The following TGDS variants were observed in gnomAD, a reference collection of about 807,000 sequenced individuals.
TGDS encodes the protein UDP-D-glucose 4,6-dehydratase.
TGDS carries 47 observed loss-of-function variants against 52.3 expected under a neutral mutation model. The observed-to-expected ratio is 0.90, with a 90% CI of 0.71 to 1.15. The LOEUF is 1.15. Ranked by LOEUF, TGDS falls within the 50% of genes most tolerant of loss-of-function variation. The pLI is 0.00. For synonymous variants in TGDS, 115 were observed against 136.9 expected, an observed-to-expected ratio of 0.84 and a Z score of 1.12; for missense variants, 375 against 418.4, an observed-to-expected ratio of 0.90 and a Z score of 0.90.
At chr13:94,594,675 C>T (rs1032436315) in intron 1 of TGDS, among the ~76,000 whole-genome samples, 9 of 152,136 alleles carry the variant, frequency 5.9e-5, no homozygotes, top group African/African-American at 2.2e-4. Flanking sequence ...TTCCTGGACC[C>T]GCACTCTCAC....
chr13:94,587,089 T>C (rs1329519250), intron 4 of TGDS, among the ~76,000 whole-genome samples: 1 of 151,974 alleles, frequency 6.6e-6, no homozygotes, highest in Admixed American at 6.6e-5. Flanking sequence ...TAAAAGATAA[T>C]GAAAAAATAC....
chr13:94,576,385 AT>A lies in TGDS; in HGVS notation c.910del (p.Met304Ter). On this transcript the variant is annotated frameshift_variant, in exon 11 of 12. Transcript: ENST00000261296. LOFTEE classifies it high-confidence loss of function. ...TAAGCCATGTATTTTTTCTGACTTC[AT>A]TGGGTATCTCATGTCATTGGTGGGT... ...DRPTNDMRYP[M>X]KSEKIHGLGW... The A allele has an allele frequency of 6.2e-6, 10 of 1,601,048 alleles. No individual in the cohort carries two copies. Among genetic ancestry groups the A allele is most frequent in the Non-Finnish European group, 8.5e-6 (10 of 1,173,442 alleles).
chr13:94,580,451 C>A (rs1594442213), intron 6 of TGDS, among the ~76,000 whole-genome samples: 1 of 152,172 alleles, frequency 6.6e-6, no homozygotes, highest in Non-Finnish European at 1.5e-5. Flanking sequence ...CAGTGGGAAG[C>A]CAAATGTAGG....
intron 1 of TGDS, 104 bp downstream of exon 1, chr13:94,595,947 G>A: frequency 7.7e-7 from 1 of 1,290,384 alleles, no homozygotes; most frequent in Non-Finnish European, 1.1e-6. Context: ...ATCAGAATAA[G>A]GACCCCTCAA....
At chr13:94,595,992 G>C (rs974815219) in intron 1 of TGDS, 59 bp downstream of exon 1, 1 of 1,600,530 alleles carries the variant, frequency 6.2e-7, no homozygotes, top group Non-Finnish European at 8.6e-7. Flanking sequence ...AAGCAGAGCT[G>C]CGGGAAAAGG....
chr13:94,574,787 C>T lies in TGDS; in HGVS notation c.1048G>A (p.Val350Ile), dbSNP rs772009375. ...NVEKALEPFP[V>I] ...CTCGACTATATAAATGGTGATTATACCGGAAAGGGTTCTAATGCCTTTTCC... is the reference window on the plus strand; with the variant it reads ...CTCGACTATATAAATGGTGATTATATCGGAAAGGGTTCTAATGCCTTTTCC... Residue 350 changes from valine (V) to isoleucine (I), a missense_variant, in exon 12 of 12, where the codon GTA becomes ATA. Val to Ile is a conservative substitution (Grantham distance 29, BLOSUM62 3). Coordinates refer to ENST00000261296, the MANE Select transcript of TGDS (RefSeq NM_014305.4). The T allele has an allele frequency of 1.2e-5, 19 of 1,597,746 alleles. No individual in the cohort carries two copies. The Admixed American group carries it at 3.2e-4, about 27-fold the overall frequency.
intron 4 of TGDS, among the ~76,000 whole-genome samples, chr13:94,586,064 A>C (rs1241686647): frequency 6.6e-6 from 1 of 152,154 alleles, no homozygotes; most frequent in Non-Finnish European, 1.5e-5. Context: ...TTTAAAATAA[A>C]CAATTTTTTA....
chr13:94,581,121 A>C lies in TGDS; in HGVS notation c.525T>G (p.Cys175Trp). 6.3e-7 allele frequency: 1 copy of C among 1,594,318 alleles called. No homozygotes were observed. The highest frequency in any genetic ancestry group is 8.5e-7 in the Non-Finnish European group (1 of 1,169,668). The change falls in exon 6 of 12, where the codon TGT (cysteine) becomes TGG (tryptophan). Residue 175 changes from cysteine (C) to tryptophan (W), a missense_variant. Coordinates refer to ENST00000261296, the MANE Select transcript of TGDS (RefSeq NM_014305.4). The stretch of plus-strand genomic sequence containing the variant: ...ATTGTTCCCAGTAAGACTGTACAAA[A>C]CATTCAGCAGCTGCTTTAGATGATG... The part of the protein sequence containing the change: ...PYASSKAAAE[C>W]FVQSYWEQYK...
At chr13:94,587,731 C>T (rs1410217536) in intron 4 of TGDS, among the ~76,000 whole-genome samples, 1 of 152,194 alleles carries the variant, frequency 6.6e-6, no homozygotes, top group African/African-American at 2.4e-5. Context: ...GGTGCGGTGG[C>T]TCACGCCTGT....
chr13:94,583,132 CATAA>C lies in TGDS; in HGVS notation c.414_417del (p.Ile138MetfsTer101). 1 of 1,613,926 alleles carries C rather than the reference CATAA, an allele frequency of 6.2e-7. No homozygotes were observed. The highest frequency in any genetic ancestry group is 8.5e-7 in the Non-Finnish European group (1 of 1,179,934). On this transcript the variant is annotated frameshift_variant, in exon 5 of 12. Transcript: ENST00000261296. LOFTEE classifies it high-confidence loss of function. ...CCACCATATACTTCATCTGTGCTGA[CATAA>C]ATAAACTTCTCCACTCTGGCTTCAT...
chr13:94,576,243 G>A, intron 11 of TGDS, 71 bp downstream of exon 11: 4 of 1,069,128 alleles, frequency 3.7e-6, no homozygotes, highest in Non-Finnish European at 4.1e-6. Flanking sequence ...TTTGTATAAT[G>A]TTCTGGAAAT....
chr13:94,580,154 A>C (rs1888736542), intron 6 of TGDS, among the ~76,000 whole-genome samples: 1 of 152,214 alleles, frequency 6.6e-6, no homozygotes, highest in African/African-American at 2.4e-5. Context: ...AGGTTCCAAA[A>C]GAAAGAAGAG....
At chr13:94,587,448 G>A (rs1195123235) in intron 4 of TGDS, among the ~76,000 whole-genome samples, 2 of 152,130 alleles carry the variant, frequency 1.3e-5, no homozygotes, top group African/African-American at 4.8e-5. Flanking sequence ...AATTAAGACA[G>A]TGTGATAATA....
chr13:94,592,393 C>T (rs1038235852), intron 2 of TGDS, 84 bp from the exon 3 acceptor site: 73 of 1,039,852 alleles, frequency 7.0e-5, no homozygotes, highest in Non-Finnish European at 9.6e-5. Flanking sequence ...TTAAAGACTA[C>T]AGATGTTACT....
chr13:94,593,812 T>C (rs1566967287), intron 2 of TGDS, 29 bp downstream of exon 2: 8 of 1,365,990 alleles, frequency 5.9e-6, no homozygotes, highest in Non-Finnish European at 8.2e-6. Flanking sequence ...GTAATTTCAG[T>C]GCATGATGCT....
intron 2 of TGDS, 142 bp from the exon 3 acceptor site, chr13:94,592,451 C>T: frequency 1.6e-6 from 1 of 622,828 alleles, no homozygotes; most frequent in Non-Finnish European, 2.6e-6. Flanking sequence ...TGCTCCCTGT[C>T]TTTACACTAC....
intron 1 of TGDS, 102 bp downstream of exon 1, chr13:94,595,949 A>AC: frequency 7.7e-7 from 1 of 1,305,502 alleles, no homozygotes; most frequent in South Asian, 1.2e-5. Context: ...CAGAATAAGG[A>AC]CCCCTCAAAG....
chr13:94,578,176 G>A lies in TGDS; in HGVS notation c.660-6C>T. The A allele has an allele frequency of 6.2e-7, 1 of 1,612,516 alleles. No individual in the cohort carries two copies. ...GCCCTGACCCATGAATGCAACTAAA[G>A]AGATTAAACGAAGTGAAATCATAAA... On this transcript the variant is annotated splice_polypyrimidine_tract_variant and splice_region_variant and intron_variant, in intron 8 of 11. Coordinates refer to ENST00000261296, the MANE Select transcript of TGDS (RefSeq NM_014305.4).
chr13:94,576,523 A>G, intron 10 of TGDS, 112 bp from the exon 11 acceptor site: 2 of 590,922 alleles, frequency 3.4e-6, no homozygotes, highest in Non-Finnish European at 5.2e-6. Flanking sequence ...TTCTCTTTAC[A>G]AAAATTCCCA....
Sources: allele counts gnomAD v4.1 joint callset (sites outside exome capture counted in the v4.1 genomes callset), GRCh38; gene constraint gnomAD v4.1.1; transcripts MANE v1.5; gene names NCBI Gene and HGNC (gene_info 2026-07-23, HGNC 2026-07-21).